SAMD3: variants seen among roughly 807,000 people sequenced by gnomAD.
SAMD3 encodes sterile alpha motif domain-containing protein 3.
A neutral mutation model predicts 58.5 loss-of-function variants in SAMD3; 63 were observed. That is an observed-to-expected ratio of 1.08 (90% CI 0.88 to 1.33). The LOEUF is 1.33. Ranked by LOEUF, SAMD3 falls within the 40% of genes most tolerant of loss-of-function variation. The pLI, the probability that SAMD3 is intolerant of heterozygous loss-of-function variation, is 0.00. For missense variants in SAMD3, 604 were observed against 608.4 expected (o/e 0.99, Z 0.08); for synonymous variants, 220 against 210.3 (o/e 1.05, Z -0.40).
chr6:130,275,303 A>G (rs533619129), intron 2 of SAMD3, among the ~76,000 whole-genome samples: 15 of 152,280 alleles, frequency 9.9e-5, no homozygotes, highest in Admixed American at 4.6e-4. Flanking sequence ...TCCCATTATC[A>G]GCATTTTAAA....
At chr6:130,181,770 T>C (rs1481629180) in intron 7 of SAMD3, among the ~76,000 whole-genome samples, 1 of 152,144 alleles carries the variant, frequency 6.6e-6, no homozygotes. Flanking sequence ...GGGAAACTTT[T>C]CTATTTATAC....
chr6:130,148,450 A>G (rs1194520409), intron 9 of SAMD3, among the ~76,000 whole-genome samples: 1 of 152,166 alleles, frequency 6.6e-6, no homozygotes, highest in African/African-American at 2.4e-5. Flanking sequence ...GGCATTACAC[A>G]GTATTTCAGA....
At chr6:130,350,881 T>C (rs1203499541) in intron 1 of SAMD3, among the ~76,000 whole-genome samples, 1 of 152,050 alleles carries the variant, frequency 6.6e-6, no homozygotes, top group Non-Finnish European at 1.5e-5. Context: ...AACAGAGATA[T>C]AGACCAATGG....
At chr6:130,150,805 A>G (rs1486346115) in intron 9 of SAMD3, among the ~76,000 whole-genome samples, 1 of 150,126 alleles carries the variant, frequency 6.7e-6, no homozygotes, top group African/African-American at 2.5e-5. Context: ...TCTGCCTTCC[A>G]GGTTCAAGCC....
At chr6:130,168,481 G>T (rs1790927152) in intron 8 of SAMD3, among the ~76,000 whole-genome samples, 1 of 151,982 alleles carries the variant, frequency 6.6e-6, no homozygotes, top group South Asian at 2.1e-4. Context: ...CTTTCATTAA[G>T]ACATCTACCT....
At chr6:130,200,875 C>T (rs183740099) in intron 5 of SAMD3, among the ~76,000 whole-genome samples, 1 of 151,796 alleles carries the variant, frequency 6.6e-6, no homozygotes, top group African/African-American at 2.4e-5. Flanking sequence ...TATCAGAATC[C>T]CTGTTTTTCT....
chr6:130,315,990 A>G (rs1008525868), intron 1 of SAMD3, among the ~76,000 whole-genome samples: 9 of 152,178 alleles, frequency 5.9e-5, no homozygotes, highest in Non-Finnish European at 1.3e-4. Flanking sequence ...CAAAGAGACT[A>G]AAAGAATGGG....
intron 2 of SAMD3, among the ~76,000 whole-genome samples, chr6:130,291,139 G>A (rs1175295464): frequency 6.6e-6 from 1 of 152,182 alleles, no homozygotes; most frequent in African/African-American, 2.4e-5. Flanking sequence ...CGCCCAGGCT[G>A]GAGTGCAGTG....
intron 2 of SAMD3, among the ~76,000 whole-genome samples, chr6:130,292,899 T>C (rs1482353122): frequency 6.6e-6 from 1 of 152,168 alleles, no homozygotes; most frequent in Non-Finnish European, 1.5e-5. Flanking sequence ...ATTACATGCG[T>C]GAACCACCAT....
chr6:130,333,315 C>T (rs975106105), intron 1 of SAMD3, among the ~76,000 whole-genome samples: 28 of 152,306 alleles, frequency 1.8e-4, no homozygotes, highest in African/African-American at 6.7e-4. Flanking sequence ...AAGACTGATA[C>T]TCCCACCACC....
intron 1 of SAMD3, among the ~76,000 whole-genome samples, chr6:130,217,675 ACATATAAAACAT>A (rs1796071047): frequency 6.6e-6 from 1 of 152,224 alleles, no homozygotes; most frequent in Non-Finnish European, 1.5e-5. Flanking sequence ...GGACAATCTA[ACATATAAAACAT>A]CATATAAAAC....
Position 130,175,394 on chromosome 6 carries a change from G to A in SAMD3, c.822+447C>T, listed in dbSNP as rs575189708. 4.1e-4 allele frequency among the ~76,000 whole-genome samples: 62 copies of A among 152,254 alleles called. No homozygotes were observed. In the Middle Eastern group the frequency reaches 0.01, roughly 25 times the overall value. On this transcript the variant is annotated intron_variant, in intron 8 of 11. Coordinates refer to ENST00000439090, the MANE Select transcript of SAMD3 (RefSeq NM_001017373.4). ...AAAGGCTTCAGGACCAGCAGGGAAG[G>A]GAAGGCCACAATGGAGTTTTGTATC...
chr6:130,228,004 C>T (rs939041309), intron 2 of SAMD3, among the ~76,000 whole-genome samples: 1 of 152,074 alleles, frequency 6.6e-6, no homozygotes, highest in African/African-American at 2.4e-5. Flanking sequence ...TAAGAAAAAT[C>T]AGGTCCAGCA....
At chr6:130,279,315 T>C (rs747346147) in intron 2 of SAMD3, among the ~76,000 whole-genome samples, 1 of 151,942 alleles carries the variant, frequency 6.6e-6, no homozygotes, top group African/African-American at 2.4e-5. Flanking sequence ...CCCCATGCAG[T>C]TCTCATGACA....
intron 7 of SAMD3, chr6:130,183,260 C>T (rs1211309274): frequency 2.4e-6 from 1 of 417,180 alleles, no homozygotes; most frequent in Admixed American, 3.1e-5. Flanking sequence ...TTGCTTGAAC[C>T]CAGGAGGCGG....
chr6:130,272,438 T>A (rs1196498146), intron 2 of SAMD3, among the ~76,000 whole-genome samples: 4 of 152,158 alleles, frequency 2.6e-5, no homozygotes, highest in African/African-American at 7.2e-5. Flanking sequence ...TTATTTCACA[T>A]CTAAGTCTTT....
intron 2 of SAMD3, among the ~76,000 whole-genome samples, chr6:130,231,990 T>A (rs533639180): frequency 1.3e-5 from 2 of 152,310 alleles, no homozygotes; most frequent in East Asian, 3.9e-4. Context: ...GTAATATGAT[T>A]GGGGATACAA....
intron 1 of SAMD3, among the ~76,000 whole-genome samples, chr6:130,349,404 C>A (rs1260773895): frequency 6.6e-6 from 1 of 152,126 alleles, no homozygotes; most frequent in Non-Finnish European, 1.5e-5. Flanking sequence ...GATATCACCA[C>A]CAATCCACAG....
At chr6:130,195,491 C>A (rs1215983891) in intron 5 of SAMD3, among the ~76,000 whole-genome samples, 1 of 152,202 alleles carries the variant, frequency 6.6e-6, no homozygotes, top group Admixed American at 6.5e-5. Flanking sequence ...CCTTATCAAC[C>A]AAATTGTTTT....
Sources: allele counts gnomAD v4.1 joint callset (sites outside exome capture counted in the v4.1 genomes callset), GRCh38; gene constraint gnomAD v4.1.1; transcripts MANE v1.5; gene names NCBI Gene and HGNC (gene_info 2026-07-23, HGNC 2026-07-21).